The following PTPRK variants were observed in gnomAD, a reference collection of about 807,000 sequenced individuals.
The protein encoded by PTPRK is protein tyrosine phosphatase receptor type K.
PTPRK carries 75 observed loss-of-function variants against 178.0 expected under a neutral mutation model. The ratio of observed to expected loss-of-function variants is 0.42; its 90% confidence interval spans 0.35 to 0.51. The LOEUF (loss-of-function observed/expected upper bound fraction) is 0.51. Among genes scored for constraint, PTPRK ranks in the 20% least tolerant of loss-of-function variants. The pLI is 0.02. For missense variants in PTPRK, 1,441 were observed against 1,797.8 expected (o/e 0.80, Z 3.59); for synonymous variants, 637 against 620.6 (o/e 1.03, Z -0.39).
At position 128,137,473 on chromosome 6, in the gene PTPRK, A is replaced by C. The variant is rs181192038; in HGVS notation, c.1162+46959T>G. 2.0e-5 allele frequency among the ~76,000 whole-genome samples: 3 copies of C among 152,284 alleles called. No individual in the cohort carries two copies. In the East Asian group the frequency reaches 5.8e-4, roughly 29 times the overall value. ...ATAGTTTTGAAATTTTATGTAACTA[A>C]ATGTAGGAAAACAATTCCAGAATTC... On this transcript the variant is annotated intron_variant, in intron 7 of 29. Coordinates refer to ENST00000368226, the MANE Select transcript of PTPRK (RefSeq NM_002844.4).
intron 7 of PTPRK, among the ~76,000 whole-genome samples, chr6:128,136,482 T>C (rs1217924223): frequency 6.6e-6 from 1 of 152,014 alleles, no homozygotes; most frequent in Non-Finnish European, 1.5e-5. Flanking sequence ...GCTCTTACTT[T>C]TGATTCAAAT....
intron 7 of PTPRK, among the ~76,000 whole-genome samples, chr6:128,092,296 A>T (rs1020005148): frequency 6.6e-6 from 1 of 152,176 alleles, no homozygotes; most frequent in Non-Finnish European, 1.5e-5. Flanking sequence ...TAAAATAGTG[A>T]CTTAGACATA....
intron 7 of PTPRK, among the ~76,000 whole-genome samples, chr6:128,124,552 T>G (rs989487361): frequency 6.6e-6 from 1 of 152,286 alleles, no homozygotes; most frequent in Non-Finnish European, 1.5e-5. Context: ...CATTGTTTCA[T>G]GGCCCTTAAA....
At chr6:128,419,566 G>A (rs1350750633) in intron 1 of PTPRK, among the ~76,000 whole-genome samples, 2 of 150,216 alleles carry the variant, frequency 1.3e-5, no homozygotes, top group South Asian at 2.1e-4. Flanking sequence ...CAGAGATTGC[G>A]CCACTGCACC....
chr6:127,978,123 T>C (rs1374107181), intron 25 of PTPRK, among the ~76,000 whole-genome samples: 3 of 152,150 alleles, frequency 2.0e-5, no homozygotes, highest in African/African-American at 7.2e-5. Flanking sequence ...TAGATGACAA[T>C]AATAATTTAC....
At chr6:128,381,012 A>T (rs1246463735) in intron 2 of PTPRK, among the ~76,000 whole-genome samples, 4 of 152,140 alleles carry the variant, frequency 2.6e-5, no homozygotes, top group Non-Finnish European at 4.4e-5. Flanking sequence ...ATTTTTTTTC[A>T]AATCTAGATA....
intron 2 of PTPRK, among the ~76,000 whole-genome samples, chr6:128,355,633 C>T (rs1833847450): frequency 6.6e-6 from 1 of 152,006 alleles, no homozygotes; most frequent in Non-Finnish European, 1.5e-5. Context: ...TTTACACACA[C>T]CGGGGCCTGT....
chr6:128,089,375 T>C (rs372837537), intron 8 of PTPRK, among the ~76,000 whole-genome samples: 1 of 152,238 alleles, frequency 6.6e-6, no homozygotes, highest in Admixed American at 6.5e-5. Context: ...GCAATTGATA[T>C]AGTGCCATGG....
chr6:128,435,562 A>G (rs912365525), intron 1 of PTPRK, among the ~76,000 whole-genome samples: 1 of 152,218 alleles, frequency 6.6e-6, no homozygotes, highest in Non-Finnish European at 1.5e-5. Flanking sequence ...CGCACAGAAC[A>G]ATGTGGGTCA....
intron 22 of PTPRK, among the ~76,000 whole-genome samples, chr6:127,983,927 G>A (rs552210007): frequency 2.1e-5 from 3 of 143,784 alleles, no homozygotes; most frequent in South Asian, 4.4e-4. Context: ...AGAGAATGAC[G>A]GTTATCAAAG....
intron 1 of PTPRK, among the ~76,000 whole-genome samples, chr6:128,452,895 A>T (rs1478264327): frequency 2.0e-5 from 3 of 152,186 alleles, no homozygotes; most frequent in Non-Finnish European, 4.4e-5. Context: ...TCCTCTGCCC[A>T]GTCAGCATAA....
rs535357467 is a variant in PTPRK, at chr6:128,053,035, G to T, written c.2194+11723C>A. ...CTGGAATGAGCCATTTATCCAAAGA[G>T]CCCCAGGTACTTTTATTGGATAATG... is the stretch of plus-strand genomic sequence containing the variant. On this transcript the variant is annotated intron_variant, in intron 13 of 29. Transcript: ENST00000368226. 1.1e-4 allele frequency among the ~76,000 whole-genome samples: 16 copies of T among 151,976 alleles called. No individual in the cohort carries two copies. In the South Asian group the frequency reaches 3.1e-3, roughly 30 times the overall value.
At chr6:128,233,089 T>C (rs545268360) in intron 5 of PTPRK, among the ~76,000 whole-genome samples, 10 of 152,358 alleles carry the variant, frequency 6.6e-5, no homozygotes, top group Middle Eastern at 6.8e-3. Flanking sequence ...ATCTTTTTTT[T>C]CCTAAAATAA....
At chr6:128,266,804 A>G (rs940688589) in intron 3 of PTPRK, among the ~76,000 whole-genome samples, 1 of 152,126 alleles carries the variant, frequency 6.6e-6, no homozygotes, top group African/African-American at 2.4e-5. Context: ...CCTGAAAACA[A>G]TGTTTTCAAG....
At chr6:128,334,640 AG>A in intron 2 of PTPRK, among the ~76,000 whole-genome samples, 1 of 152,352 alleles carries the variant, frequency 6.6e-6, no homozygotes, top group South Asian at 2.1e-4. Flanking sequence ...ATCAGGTCAC[AG>A]GGGCAGTTCA....
intron 1 of PTPRK, among the ~76,000 whole-genome samples, chr6:128,446,192 G>A (rs1051507162): frequency 6.6e-6 from 1 of 152,186 alleles, no homozygotes. Context: ...ACCTCTTTCA[G>A]AAAACTCCCT....
intron 7 of PTPRK, among the ~76,000 whole-genome samples, chr6:128,149,476 T>C (rs1241692442): frequency 6.6e-6 from 1 of 152,168 alleles, no homozygotes; most frequent in Non-Finnish European, 1.5e-5. Flanking sequence ...GCAGTCACAA[T>C]GTAATGTTGC....
At position 128,478,133 on chromosome 6, in the gene PTPRK, C is replaced by T. The variant is rs537467387; in HGVS notation, c.100+42126G>A. Among the ~76,000 whole-genome samples the T allele has an allele frequency of 1.1e-4, 17 of 152,172 alleles. No homozygotes were observed. In the South Asian group the frequency reaches 3.5e-3, roughly 32 times the overall value. On this transcript the variant is annotated intron_variant, in intron 1 of 29. Coordinates refer to ENST00000368226, the MANE Select transcript of PTPRK (RefSeq NM_002844.4). ...TTTGGAGATAGTGTTCTGATATCTA[C>T]CATTCAGTGGGGAAAAAAAGCAGAA...
chr6:128,443,337 G>A (rs1846526952), intron 1 of PTPRK, among the ~76,000 whole-genome samples: 1 of 151,886 alleles, frequency 6.6e-6, no homozygotes, highest in African/African-American at 2.4e-5. Context: ...AGAGGGGTGA[G>A]GAAGTGAATT....
Sources: gnomAD v4.1 joint callset for allele counts (sites outside exome capture counted in the v4.1 genomes callset) on GRCh38, gnomAD v4.1.1 for gene constraint, MANE v1.5 for transcripts, NCBI Gene and HGNC (gene_info 2026-07-23, HGNC 2026-07-21) for gene names.